SDK1: variants seen among roughly 807,000 people sequenced by gnomAD.
SDK1 encodes sidekick cell adhesion molecule 1, also known as protein sidekick-1.
Under a neutral mutation model 245.5 loss-of-function variants are expected in SDK1, and 157 were observed. The ratio of observed to expected loss-of-function variants is 0.64; its 90% CI spans 0.56 to 0.73. SDK1 has a LOEUF of 0.73. Among genes scored for constraint, SDK1 ranks in the 30% least tolerant of loss-of-function variants. SDK1 has a pLI of 0.00. For synonymous variants in SDK1, 1,647 were observed against 1,278.5 expected (o/e 1.29, Z -6.15); for missense variants, 3,583 against 3,002.3 (o/e 1.19, Z -4.52).
chr7:3,583,654 C>G (rs976698259), intron 1 of SDK1, among the ~76,000 whole-genome samples: 20 of 152,042 alleles, frequency 1.3e-4, no homozygotes, highest in Non-Finnish European at 2.2e-4. Flanking sequence ...TGCTTCTACA[C>G]TTTGGAGAGG....
At chr7:3,668,632 A>G (rs1442185653) in intron 4 of SDK1, among the ~76,000 whole-genome samples, 1 of 152,064 alleles carries the variant, frequency 6.6e-6, no homozygotes, top group African/African-American at 2.4e-5. Context: ...CTCTACTAAA[A>G]ATACAAAAAT....
Position 4,065,713 on chromosome 7 carries a change from T to G in SDK1, c.2912-2125T>G, listed in dbSNP as rs914779532. On this transcript the variant is annotated intron_variant, in intron 19 of 44. Transcript: ENST00000404826. ...GTTGTTGTTTTTTTTTTTTTTTTTT[T>G]TTTTTTTTTTTTTTTTGAGGCTGTT... Among the ~76,000 whole-genome samples, 334 of 142,876 alleles carry G rather than the reference T, an allele frequency of 2.3e-3. 6 individuals carry two copies. Among genetic ancestry groups the G allele is most frequent in the African/African-American group, 7.7e-3 (301 of 39,084 alleles). 93.7% of individuals were successfully genotyped at this position (142,876 alleles called of 152,430 possible). A position where few individuals can be genotyped will look rare whatever the true frequency, so the allele number is the denominator to read the frequency against.
rs557864020 is a variant in SDK1, at chr7:3,699,929, GA to G, written c.713+57832del. The stretch of plus-strand genomic sequence containing the variant: ...TTAAACTTCTAGAACTAAGGACAAA[GA>G]AAAAAAATTCTAAATGCAGCCAGAG... On this transcript the variant is annotated intron_variant, in intron 4 of 44. Coordinates refer to ENST00000404826, the MANE Select transcript of SDK1 (RefSeq NM_152744.4). Among the ~76,000 whole-genome samples the G allele has an allele frequency of 2.4e-4, 37 of 151,908 alleles. No homozygotes were observed. In the East Asian group the frequency reaches 6.0e-3, roughly 25 times the overall value.
At chr7:3,692,747 A>G (rs1376598576) in intron 4 of SDK1, among the ~76,000 whole-genome samples, 1 of 152,138 alleles carries the variant, frequency 6.6e-6, no homozygotes, top group Non-Finnish European at 1.5e-5. Context: ...TCTTTGATCT[A>G]TTCAATGTAA....
chr7:3,925,288 T>C (rs1779729903), intron 5 of SDK1, among the ~76,000 whole-genome samples: 1 of 152,198 alleles, frequency 6.6e-6, no homozygotes, highest in Non-Finnish European at 1.5e-5. Context: ...CTCTTTGCCC[T>C]TTATTTAAAA....
chr7:3,878,596 A>G (rs879382488), intron 5 of SDK1, among the ~76,000 whole-genome samples: 4 of 152,216 alleles, frequency 2.6e-5, no homozygotes, highest in East Asian at 1.9e-4. Flanking sequence ...CATGACAACT[A>G]TTAACACTGT....
intron 4 of SDK1, among the ~76,000 whole-genome samples, chr7:3,777,064 T>C (rs890343097): frequency 2.0e-5 from 3 of 152,206 alleles, no homozygotes; most frequent in Non-Finnish European, 4.4e-5. Flanking sequence ...ATGATATTTT[T>C]CTCTAAAATC....
At chr7:3,714,164 C>T (rs750590754) in intron 4 of SDK1, among the ~76,000 whole-genome samples, 1 of 152,194 alleles carries the variant, frequency 6.6e-6, no homozygotes, top group South Asian at 2.1e-4. Context: ...TCCAGGGCAA[C>T]AGAAAGAGCT....
chr7:4,248,848 C>T (rs1045635881), intron 44 of SDK1, among the ~76,000 whole-genome samples: 8 of 152,130 alleles, frequency 5.3e-5, no homozygotes, highest in African/African-American at 1.2e-4. Context: ...CATGCATGTA[C>T]GCATGCATAT....
In SDK1 at chr7:3,450,462, T is replaced by C. The variant is rs1780477279; in HGVS notation, c.298+148578T>C. On this transcript the variant is annotated intron_variant, in intron 1 of 44. Transcript: ENST00000404826. Reference sequence around the variant, plus strand: ...ATAAAGTGGGATGTTTGAGAGAGATTTTAAGAAGTAGCAGTGCTAGCATTT... The same window carrying C: ...ATAAAGTGGGATGTTTGAGAGAGATCTTAAGAAGTAGCAGTGCTAGCATTT... Among the ~76,000 whole-genome samples the C allele has an allele frequency of 3.3e-5, 5 of 152,038 alleles. No homozygotes were observed. The South Asian group carries it at 1.0e-3, about 32-fold the overall frequency.
In SDK1 at chr7:4,012,186, C is replaced by A; in HGVS notation, c.2371C>A (p.Pro791Thr). 6.4e-7 allele frequency: 1 copy of A among 1,571,830 alleles called. No homozygotes were observed. Among genetic ancestry groups the A allele is most frequent in the South Asian group, 1.2e-5 (1 of 84,542 alleles). ...TNQSIMVQWQ[P>T]PPETEHNGVL... ...TCAGTCCATTATGGTCCAGTGGCAG[C>A]CACCCCCAGAAACAGAGCACAACGG... The change falls in exon 16 of 45, where the codon CCA (proline) becomes ACA (threonine). Residue 791 changes from proline (P) to threonine (T), a missense_variant. Pro to Thr is a conservative substitution (Grantham distance 38, BLOSUM62 -1). Transcript: ENST00000404826.
rs1271730540 is a variant in SDK1, at chr7:3,744,483, A to G, written c.714-76967A>G. Among the ~76,000 whole-genome samples, 10 of 152,166 alleles carry G rather than the reference A, an allele frequency of 6.6e-5. No homozygotes were observed. The East Asian group carries it at 9.6e-4, about 15-fold the overall frequency. On this transcript the variant is annotated intron_variant, in intron 4 of 44. Transcript: ENST00000404826. ...TATAACCTAGCAAGGAATATCATCAATGAAAAAAAGAAAAGACACAAAAGA... is the reference window on the plus strand; with the variant it reads ...TATAACCTAGCAAGGAATATCATCAGTGAAAAAAAGAAAAGACACAAAAGA...
intron 4 of SDK1, chr7:3,643,092 C>G (rs1782701242): frequency 6.6e-6 from 1 of 152,176 alleles, no homozygotes; most frequent in Non-Finnish European, 1.5e-5. Flanking sequence ...TGATTCTCAT[C>G]TCCAACCCTA....
intron 9 of SDK1, among the ~76,000 whole-genome samples, chr7:3,966,578 A>G (rs147965577): frequency 3.5e-4 from 54 of 152,270 alleles, no homozygotes; most frequent in Non-Finnish European, 1.5e-4. Context: ...ATGTATCTTT[A>G]TGGAGGTCTT....
chr7:4,058,191 A>T (rs527843181), intron 19 of SDK1, among the ~76,000 whole-genome samples: 1 of 152,206 alleles, frequency 6.6e-6, no homozygotes, highest in African/African-American at 2.4e-5. Context: ...GAAATTTACC[A>T]AAGAGATAAA....
intron 4 of SDK1, among the ~76,000 whole-genome samples, chr7:3,724,216 T>C (rs7776614): frequency 0.16 from 24,719 of 151,856 alleles, 3,389 homozygotes; most frequent in African/African-American, 0.38. Context: ...CCACCCACCT[T>C]GGCCTCCCAA....
At chr7:4,179,032 C>T (rs910632964) in intron 35 of SDK1, 1 of 160,812 alleles carries the variant, frequency 6.2e-6, no homozygotes, top group African/African-American at 2.4e-5. Flanking sequence ...CCATTGTCTC[C>T]ACCCCTTTTA....
chr7:3,746,395 A>T (rs549749187), intron 4 of SDK1, among the ~76,000 whole-genome samples: 3 of 152,140 alleles, frequency 2.0e-5, no homozygotes, highest in Admixed American at 6.5e-5. Context: ...CAACTTCTTA[A>T]AATAAGACAA....
chr7:3,839,632 G>A (rs1157069081), intron 5 of SDK1, among the ~76,000 whole-genome samples: 1 of 152,048 alleles, frequency 6.6e-6, no homozygotes, highest in Non-Finnish European at 1.5e-5. Flanking sequence ...TTACCTAGAA[G>A]TAATATCCAT....
Sources: allele counts gnomAD v4.1 joint callset (sites outside exome capture counted in the v4.1 genomes callset), GRCh38; gene constraint gnomAD v4.1.1; transcripts MANE v1.5; gene names NCBI Gene and HGNC (gene_info 2026-07-23, HGNC 2026-07-21).